Variants in PCSK5 observed in about 807,000 individuals in gnomAD.
The protein encoded by PCSK5 is proprotein convertase subtilisin/kexin type 5.
A neutral mutation model predicts 233.2 loss-of-function variants in PCSK5; 129 were observed. The ratio of observed to expected loss-of-function variants is 0.55; its 90% CI spans 0.48 to 0.64. PCSK5 has a LOEUF of 0.64. PCSK5 is among the 30% of genes least tolerant of loss of function. The pLI is 0.00. For missense variants in PCSK5, 2,076 were observed against 2,430.1 expected (o/e 0.85, Z 3.06); for synonymous variants, 825 against 879.2 (o/e 0.94, Z 1.09).
chr9:75,912,110 C>T (rs534924164), intron 1 of PCSK5, among the ~76,000 whole-genome samples: 2 of 151,396 alleles, frequency 1.3e-5, no homozygotes, highest in South Asian at 2.1e-4. Context: ...AAAAGAACAA[C>T]AAAAAAGCAG....
chr9:75,995,470 A>T (rs1826971080), intron 3 of PCSK5, among the ~76,000 whole-genome samples: 1 of 152,202 alleles, frequency 6.6e-6, no homozygotes, highest in African/African-American at 2.4e-5. Flanking sequence ...CCAGTAAAAG[A>T]AGAAATAAGT....
At chr9:76,278,801 G>A (rs1310412947) in intron 24 of PCSK5, among the ~76,000 whole-genome samples, 3 of 151,950 alleles carry the variant, frequency 2.0e-5, no homozygotes, top group Non-Finnish European at 4.4e-5. Context: ...ATGTTTCTGT[G>A]TCATTAAATA....
chr9:76,294,604 A>G (rs566007333), intron 25 of PCSK5, among the ~76,000 whole-genome samples: 1 of 152,202 alleles, frequency 6.6e-6, no homozygotes, highest in South Asian at 2.1e-4. Context: ...CTTAACCCTG[A>G]GCTCCAGTTC....
chr9:76,240,961 G>T (rs1826411784), intron 24 of PCSK5, among the ~76,000 whole-genome samples: 2 of 152,176 alleles, frequency 1.3e-5, no homozygotes, highest in African/African-American at 2.4e-5. Context: ...AGTTGTTGGG[G>T]CTTACTGACC....
At chr9:76,061,562 A>T (rs1830028582) in intron 5 of PCSK5, among the ~76,000 whole-genome samples, 1 of 152,290 alleles carries the variant, frequency 6.6e-6, no homozygotes, top group South Asian at 2.1e-4. Context: ...TAACTTACGA[A>T]GACTAATGAA....
At chr9:76,113,005 CT>C in intron 9 of PCSK5, among the ~76,000 whole-genome samples, 1 of 152,122 alleles carries the variant, frequency 6.6e-6, no homozygotes, top group Non-Finnish European at 1.5e-5. Flanking sequence ...CCAACCTTAC[CT>C]TTTGTACAAT....
intron 5 of PCSK5, among the ~76,000 whole-genome samples, chr9:76,061,067 A>C (rs1165692422): frequency 6.6e-6 from 1 of 152,188 alleles, no homozygotes; most frequent in Non-Finnish European, 1.5e-5. Flanking sequence ...GTGTTAGTAC[A>C]TATTTATAAA....
rs915474454 is a variant in PCSK5 at position 76,043,232 on chromosome 9, A to C, written c.632+16195A>C. Among the ~76,000 whole-genome samples the C allele has an allele frequency of 2.0e-5, 3 of 147,212 alleles. No homozygotes were observed. In the Admixed American group the frequency reaches 2.1e-4, roughly 10 times the overall value. On this transcript the variant is annotated intron_variant, in intron 5 of 37. Transcript: ENST00000674117. ...TGGTGGCGGGCGCCTGTAGTCCCAG[A>C]GGCTGAGGCAGGAGAATGGCGTGTA...
chr9:75,974,344 C>T (rs1468878475), intron 2 of PCSK5, among the ~76,000 whole-genome samples: 2 of 152,150 alleles, frequency 1.3e-5, no homozygotes, highest in Non-Finnish European at 2.9e-5. Flanking sequence ...TGTCGAGTAC[C>T]ACCTCACTGG....
At chr9:76,087,965 A>G (rs537162539) in intron 7 of PCSK5, among the ~76,000 whole-genome samples, 10 of 152,328 alleles carry the variant, frequency 6.6e-5, no homozygotes, top group African/African-American at 2.4e-4. Flanking sequence ...TTCTCACCAG[A>G]GAAGTAGAAA....
chr9:76,030,475 A>G (rs1374391901), intron 5 of PCSK5, among the ~76,000 whole-genome samples: 2 of 152,206 alleles, frequency 1.3e-5, no homozygotes, highest in African/African-American at 4.8e-5. Flanking sequence ...CCTCTGTGAC[A>G]CACAATAATC....
intron 8 of PCSK5, among the ~76,000 whole-genome samples, chr9:76,103,623 C>T (rs1470185144): frequency 6.6e-6 from 1 of 152,108 alleles, no homozygotes; most frequent in African/African-American, 2.4e-5. Flanking sequence ...CTGAACAGTA[C>T]CCACCGCTTG....
chr9:75,891,628 G>A (rs1186553756), intron 1 of PCSK5, among the ~76,000 whole-genome samples: 1 of 152,090 alleles, frequency 6.6e-6, no homozygotes, highest in Non-Finnish European at 1.5e-5. Flanking sequence ...GACTGGTAGG[G>A]TCTCGGGAAA....
intron 1 of PCSK5, among the ~76,000 whole-genome samples, chr9:75,893,422 G>A (rs1462312348): frequency 6.6e-6 from 1 of 152,146 alleles, no homozygotes; most frequent in Non-Finnish European, 1.5e-5. Flanking sequence ...CCATTTCCTT[G>A]AATTCTGATT....
chr9:76,199,926 T>C (rs1824853923), intron 20 of PCSK5, among the ~76,000 whole-genome samples: 1 of 152,136 alleles, frequency 6.6e-6, no homozygotes. Context: ...TGACCATCTT[T>C]ACCACCAAAT....
rs1830378365 is a variant in PCSK5 at position 76,359,112 on chromosome 9, T to C, written c.*190T>C. ...CTTCTTTTGAGTGGCTAAACTCAAT[T>C]AACAGTTCCTGTTCAACCGTAATTG... On this transcript the variant is annotated 3_prime_UTR_variant, in exon 38 of 38. Transcript: ENST00000674117. 1 of 578,920 alleles carries C rather than the reference T, an allele frequency of 1.7e-6. No individual in the cohort carries two copies. Among genetic ancestry groups the C allele is most frequent in the African/African-American group, 1.9e-5 (1 of 53,650 alleles). 35.9% of individuals were successfully genotyped at this position (578,920 alleles called of 1,614,324 possible). A position where few individuals can be genotyped will look rare whatever the true frequency, so the allele number is the denominator to read the frequency against.
chr9:76,189,662 C>T lies in PCSK5; in HGVS notation c.2542C>T (p.Pro848Ser). 1.9e-6 allele frequency: 3 copies of T among 1,612,654 alleles called. No homozygotes were observed. Among genetic ancestry groups the T allele is most frequent in the South Asian group, 2.2e-5 (2 of 91,042 alleles). ...TATCAGTTGTTTGACGTGCAATGGCCCAGGATTCAAGAACTGTACAAGCTG... is the reference window on the plus strand; with the variant it reads ...TATCAGTTGTTTGACGTGCAATGGCTCAGGATTCAAGAACTGTACAAGCTG... ...CDISCLTCNG[P>S]GFKNCTSCPS... is the part of the protein sequence containing the mutation. The change falls in exon 20 of 38, where the codon CCA (proline) becomes TCA (serine). Residue 848 changes from proline to serine, a missense_variant. Physicochemically the swap from Pro to Ser is moderately conservative, Grantham distance 74. Transcript: ENST00000674117.
chr9:76,237,389 A>G (rs1826282282), intron 22 of PCSK5, among the ~76,000 whole-genome samples: 1 of 152,140 alleles, frequency 6.6e-6, no homozygotes, highest in Non-Finnish European at 1.5e-5. Context: ...TCTTAGTCCT[A>G]TGGGAACCAG....
chr9:76,211,728 G>A lies in PCSK5; in HGVS notation c.2627-15775G>A, dbSNP rs1039940670. Among the ~76,000 whole-genome samples, 11 of 152,278 alleles carry A rather than the reference G, an allele frequency of 7.2e-5. No homozygotes were observed. In the South Asian group the frequency reaches 1.0e-3, roughly 14 times the overall value. ...TCAGGCATGGCGGTGCACGCCTGTG[G>A]TCCCAGCTACTCAGGAGGCTGAGGC... On this transcript the variant is annotated intron_variant, in intron 20 of 37. Coordinates refer to ENST00000674117, the MANE Select transcript of PCSK5 (RefSeq NM_001372043.1).
Sources: allele counts gnomAD v4.1 joint callset (sites outside exome capture counted in the v4.1 genomes callset), GRCh38; gene constraint gnomAD v4.1.1; transcripts MANE v1.5; gene names NCBI Gene and HGNC (gene_info 2026-07-23, HGNC 2026-07-21).